Variants in CCDC172 observed in about 807,000 individuals in gnomAD.
The protein encoded by CCDC172 is coiled-coil domain containing 172.
A neutral mutation model predicts 38.0 loss-of-function variants in CCDC172; 30 were observed. The ratio of observed to expected loss-of-function variants is 0.79; its 90% confidence interval spans 0.59 to 1.07. The LOEUF (loss-of-function observed/expected upper bound fraction) is 1.07, where lower values mean the gene tolerates loss of function less well. Among genes scored for constraint, CCDC172 ranks in the 50% least tolerant of loss-of-function variants. CCDC172 has a pLI of 0.00. For synonymous variants in CCDC172, 78 were observed against 88.3 expected, an observed-to-expected ratio of 0.88 and a Z score of 0.66; for missense variants, 297 against 290.1, an observed-to-expected ratio of 1.02 and a Z score of -0.17.
At chr10:116,372,073 G>T (rs2134969161) in intron 7 of CCDC172, among the ~76,000 whole-genome samples, 1 of 152,192 alleles carries the variant, frequency 6.6e-6, no homozygotes. Context: ...CTGCATTGGT[G>T]TGGGCTTCAG....
chr10:116,337,454 A>T (rs1844745493), intron 3 of CCDC172, among the ~76,000 whole-genome samples: 1 of 151,902 alleles, frequency 6.6e-6, no homozygotes, highest in Non-Finnish European at 1.5e-5. Flanking sequence ...CTGGCCTATC[A>T]CTTTAAGGCT....
chr10:116,374,456 C>A (rs1176958602), intron 7 of CCDC172, among the ~76,000 whole-genome samples: 10 of 151,688 alleles, frequency 6.6e-5, no homozygotes. Flanking sequence ...TAATATCTTT[C>A]TGTGCCTAAT....
At chr10:116,358,829 A>G (rs1383220761) in intron 7 of CCDC172, among the ~76,000 whole-genome samples, 1 of 151,772 alleles carries the variant, frequency 6.6e-6, no homozygotes, top group African/African-American at 2.4e-5. Flanking sequence ...TTTTTTTTGC[A>G]CTTTAAAAAA....
At chr10:116,338,238 A>G (rs1191918174) in intron 3 of CCDC172, among the ~76,000 whole-genome samples, 1 of 152,120 alleles carries the variant, frequency 6.6e-6, no homozygotes, top group African/African-American at 2.4e-5. Context: ...TTTCTCCGTC[A>G]TTCTACTTCT....
intron 7 of CCDC172, among the ~76,000 whole-genome samples, chr10:116,375,452 C>A (rs1371620229): frequency 2.4e-4 from 36 of 147,994 alleles, no homozygotes; most frequent in African/African-American, 8.3e-4. Flanking sequence ...CCTAGCCCCC[C>A]ACCCCCCGAC....
chr10:116,362,032 CA>C (rs1236041701), intron 7 of CCDC172, among the ~76,000 whole-genome samples: 1 of 151,680 alleles, frequency 6.6e-6, no homozygotes, highest in Non-Finnish European at 1.5e-5. Context: ...ACTAAAAATA[CA>C]AAAAAAACTA....
chr10:116,328,063 G>A (rs889071970), intron 3 of CCDC172, among the ~76,000 whole-genome samples: 3 of 152,024 alleles, frequency 2.0e-5, no homozygotes, highest in African/African-American at 7.2e-5. Context: ...AGAAAATTTG[G>A]GGGGCATTTA....
chr10:116,358,015 G>A (rs1845020575), intron 7 of CCDC172, 77 bp downstream of exon 7: 2 of 725,832 alleles, frequency 2.8e-6, no homozygotes, highest in Non-Finnish European at 4.7e-6. Flanking sequence ...AAAGCTAAGT[G>A]CATCAATTAT....
intron 7 of CCDC172, among the ~76,000 whole-genome samples, chr10:116,363,232 T>G (rs1278635694): frequency 1.1e-4 from 16 of 152,068 alleles, no homozygotes; most frequent in Admixed American, 1.0e-3. Context: ...CAACCAGGAT[T>G]TGGAGGAAGG....
intron 3 of CCDC172, among the ~76,000 whole-genome samples, chr10:116,339,000 T>C (rs1844763043): frequency 6.6e-6 from 1 of 152,042 alleles, no homozygotes; most frequent in Non-Finnish European, 1.5e-5. Context: ...AAAGCATTTT[T>C]TGTGGACATT....
Position 116,346,654 on chromosome 10 carries a change from A to G in CCDC172, c.448+4453A>G, listed in dbSNP as rs1443848370. On this transcript the variant is annotated intron_variant, in intron 5 of 8. Coordinates refer to ENST00000333254, the MANE Select transcript of CCDC172 (RefSeq NM_198515.3). ...ATGTAAATTATTCCTCTTTAAAATT[A>G]AGAAAAAAAAAAGTCCCTGATATCA... Among the ~76,000 whole-genome samples, 3 of 127,988 alleles carry G rather than the reference A, an allele frequency of 2.3e-5. No individual in the cohort carries two copies. In the East Asian group the frequency reaches 6.5e-4, roughly 28 times the overall value. 84.0% of individuals were successfully genotyped at this position (127,988 alleles called of 152,430 possible).
At chr10:116,329,214 T>C (rs944042294) in intron 3 of CCDC172, among the ~76,000 whole-genome samples, 1 of 152,176 alleles carries the variant, frequency 6.6e-6, no homozygotes, top group Non-Finnish European at 1.5e-5. Context: ...TGAGTAATTA[T>C]CCAAAACTTG....
At chr10:116,336,094 G>A (rs933136940) in intron 3 of CCDC172, among the ~76,000 whole-genome samples, 6 of 151,990 alleles carry the variant, frequency 3.9e-5, no homozygotes, top group Non-Finnish European at 7.4e-5. Context: ...TTGAATCCGC[G>A]AGGCGGAGGT....
chr10:116,336,074 G>A (rs747899054), intron 3 of CCDC172, among the ~76,000 whole-genome samples: 16 of 152,010 alleles, frequency 1.1e-4, no homozygotes, highest in Non-Finnish European at 1.8e-4. Context: ...GGCTGAGGCA[G>A]GAGAATTGCT....
At chr10:116,328,115 A>C (rs1335970790) in intron 3 of CCDC172, among the ~76,000 whole-genome samples, 1 of 152,092 alleles carries the variant, frequency 6.6e-6, no homozygotes, top group African/African-American at 2.4e-5. Context: ...TTTGGGAAGT[A>C]CAGTATTCAT....
chr10:116,345,959 G>A (rs1257094613), intron 5 of CCDC172, among the ~76,000 whole-genome samples: 1 of 152,148 alleles, frequency 6.6e-6, no homozygotes, highest in African/African-American at 2.4e-5. Flanking sequence ...ATACTCCAGA[G>A]AGATGAAACC....
At chr10:116,342,302 G>A in intron 5 of CCDC172, 101 bp downstream of exon 5, 1 of 918,328 alleles carries the variant, frequency 1.1e-6, no homozygotes, top group East Asian at 3.1e-5. Flanking sequence ...AGCAAATTGG[G>A]TTATTGCATA....
chr10:116,371,822 A>T (rs1253821612), intron 7 of CCDC172, among the ~76,000 whole-genome samples: 7 of 152,128 alleles, frequency 4.6e-5, no homozygotes, highest in Non-Finnish European at 7.4e-5. Flanking sequence ...AAAGAACATC[A>T]TTAAATCAAA....
intron 7 of CCDC172, among the ~76,000 whole-genome samples, chr10:116,364,650 G>A (rs1350907397): frequency 1.3e-5 from 2 of 151,912 alleles, no homozygotes; most frequent in African/African-American, 4.8e-5. Flanking sequence ...AGTTAACTGG[G>A]GGAAATATAT....
Sources: allele counts gnomAD v4.1 joint callset (sites outside exome capture counted in the v4.1 genomes callset), GRCh38; gene constraint gnomAD v4.1.1; transcripts MANE v1.5; gene names NCBI Gene and HGNC (gene_info 2026-07-23, HGNC 2026-07-21).